TEK: variants seen among roughly 807,000 people sequenced by gnomAD.
TEK encodes the protein TEK receptor tyrosine kinase.
A neutral mutation model predicts 131.8 loss-of-function variants in TEK; 43 were observed. That is an observed-to-expected ratio of 0.33 (90% CI 0.26 to 0.42). TEK has a LOEUF of 0.42. TEK is among the 10% of genes least tolerant of loss of function. The pLI is 1.00. For missense variants in TEK, 1,162 were observed against 1,384.4 expected (o/e 0.84, Z 2.55); for synonymous variants, 580 against 491.6 (o/e 1.18, Z -2.38).
intron 1 of TEK, among the ~76,000 whole-genome samples, chr9:27,137,885 G>A (rs1822546603): frequency 6.6e-6 from 1 of 152,158 alleles, no homozygotes; most frequent in African/African-American, 2.4e-5. Flanking sequence ...TGGTCTCACT[G>A]TGGACCCTTG....
At chr9:27,135,537 C>T (rs998114693) in intron 1 of TEK, among the ~76,000 whole-genome samples, 1 of 152,176 alleles carries the variant, frequency 6.6e-6, no homozygotes. Flanking sequence ...TTGCCACATA[C>T]TGTTAATACA....
intron 3 of TEK, 133 bp downstream of exon 3, chr9:27,168,738 A>C (rs1376679792): frequency 1.1e-5 from 8 of 736,250 alleles, no homozygotes; most frequent in Admixed American, 1.0e-4. Context: ...CAAGCTTTCA[A>C]ATTCTGTGTA....
At chr9:27,139,730 T>A (rs917126369) in intron 1 of TEK, among the ~76,000 whole-genome samples, 2 of 152,100 alleles carry the variant, frequency 1.3e-5, no homozygotes, top group African/African-American at 4.8e-5. Context: ...TGTTGTGGTT[T>A]GAGAGTATTG....
At chr9:27,172,473 T>A in intron 4 of TEK, 143 bp from the exon 5 acceptor site, 1 of 1,172,040 alleles carries the variant, frequency 8.5e-7, no homozygotes, top group Non-Finnish European at 1.2e-6. Flanking sequence ...CCATATTAGA[T>A]GATGAGCTTT....
intron 11 of TEK, 21 bp from the exon 12 acceptor site, chr9:27,197,291 AATG>A: frequency 6.2e-7 from 1 of 1,611,202 alleles, no homozygotes; most frequent in Non-Finnish European, 8.5e-7. Flanking sequence ...ATATAAAAAT[AATG>A]ATTTTTCTGG....
At position 27,229,577 on chromosome 9, in the gene TEK, C is replaced by A. The variant is rs1826481821; in HGVS notation, c.*345C>A. 6.6e-6 allele frequency: 2 copies of A among 305,036 alleles called. No homozygotes were observed. Among genetic ancestry groups the A allele is most frequent in the Non-Finnish European group, 1.3e-5 (2 of 159,992 alleles). 18.9% of individuals were successfully genotyped at this position (305,036 alleles called of 1,614,324 possible). On this transcript the variant is annotated 3_prime_UTR_variant, in exon 23 of 23. Coordinates refer to ENST00000380036, the MANE Select transcript of TEK (RefSeq NM_000459.5). Reference sequence around the variant, plus strand: ...GTTGTCCTAGATATTTTGATATTTACCTTTATGTTGAATGCTATTAAATGT... The same window carrying A: ...GTTGTCCTAGATATTTTGATATTTAACTTTATGTTGAATGCTATTAAATGT...
chr9:27,187,758 T>C, intron 9 of TEK, among the ~76,000 whole-genome samples: 1 of 152,142 alleles, frequency 6.6e-6, no homozygotes, highest in East Asian at 1.9e-4. Context: ...GGCTTGTAGA[T>C]GGCCACTGTC....
intron 1 of TEK, among the ~76,000 whole-genome samples, chr9:27,146,792 T>A (rs989500539): frequency 6.9e-6 from 1 of 145,582 alleles, no homozygotes; most frequent in Non-Finnish European, 1.5e-5. Flanking sequence ...TGCAGTGGCG[T>A]GACCTCGGCT....
At chr9:27,217,950 G>T (rs185315877) in intron 19 of TEK, among the ~76,000 whole-genome samples, 192 bp downstream of exon 19, 3 of 152,060 alleles carry the variant, frequency 2.0e-5, no homozygotes, top group African/African-American at 7.3e-5. Flanking sequence ...AATCACTTGT[G>T]GCAGGTTTTG....
At chr9:27,228,629 C>A (rs1826432864) in intron 22 of TEK, among the ~76,000 whole-genome samples, 1 of 152,040 alleles carries the variant, frequency 6.6e-6, no homozygotes, top group Non-Finnish European at 1.5e-5. Flanking sequence ...GGTGACTTGA[C>A]CAAGGACACA....
chr9:27,171,017 C>T (rs370697620), intron 4 of TEK, among the ~76,000 whole-genome samples: 1 of 152,198 alleles, frequency 6.6e-6, no homozygotes, highest in South Asian at 2.1e-4. Context: ...TCTGCTTAAA[C>T]ATTGCCTCCT....
intron 16 of TEK, 25 bp downstream of exon 16, chr9:27,209,256 C>A: frequency 6.6e-7 from 1 of 1,510,494 alleles, no homozygotes; most frequent in Non-Finnish European, 9.2e-7. Context: ...TCCTGTCTTT[C>A]CTGCCAGAGT....
chr9:27,200,931 G>A (rs7040866), intron 12 of TEK, among the ~76,000 whole-genome samples: 41,825 of 151,850 alleles, frequency 0.28, 5,941 homozygotes, highest in Admixed American at 0.35. Context: ...GTACGGCATG[G>A]GGATTAGGAT....
intron 16 of TEK, among the ~76,000 whole-genome samples, chr9:27,212,222 G>A (rs899127503): frequency 6.6e-6 from 1 of 152,160 alleles, no homozygotes; most frequent in Non-Finnish European, 1.5e-5. Flanking sequence ...ACAATTACCT[G>A]TTGTGGCTCC....
chr9:27,192,547 T>C lies in TEK; in HGVS notation c.1548T>C (p.Cys516=), dbSNP rs750915446. ...AACCTCGGACAGAATATGAACTCTG[T>C]GTGCAACTGGTCCGTCGTGGAGAGG... ...YLEPRTEYEL[C]VQLVRRGEGG... is the part of the protein sequence containing the mutation. The change falls in exon 11 of 23, where the codon TGT becomes TGC. Residue 516 remains cysteine, a synonymous_variant. Transcript: ENST00000380036. The C allele has an allele frequency of 1.4e-5, 22 of 1,613,898 alleles. No individual in the cohort carries two copies. The highest frequency in any genetic ancestry group is 1.8e-5 in the Non-Finnish European group (21 of 1,179,962).
chr9:27,213,312 G>A (rs1197539766), intron 17 of TEK, among the ~76,000 whole-genome samples, 172 bp from the exon 18 acceptor site: 3 of 152,128 alleles, frequency 2.0e-5, no homozygotes, highest in African/African-American at 4.8e-5. Flanking sequence ...GATGTGGTGT[G>A]TCATTTGGCA....
intron 1 of TEK, among the ~76,000 whole-genome samples, chr9:27,137,556 G>C (rs1351201201): frequency 6.6e-6 from 1 of 151,942 alleles, no homozygotes; most frequent in Non-Finnish European, 1.5e-5. Context: ...GATAAGTTAG[G>C]CTTTTTACTT....
intron 1 of TEK, among the ~76,000 whole-genome samples, chr9:27,156,487 C>G (rs1403320488): frequency 6.6e-6 from 1 of 151,646 alleles, no homozygotes; most frequent in East Asian, 2.0e-4. Flanking sequence ...AGCTGAGACC[C>G]AAAGGACAAG....
At chr9:27,122,789 C>T (rs767983578) in intron 1 of TEK, among the ~76,000 whole-genome samples, 17 of 151,998 alleles carry the variant, frequency 1.1e-4, no homozygotes, top group Non-Finnish European at 2.2e-4. Context: ...CACAGTGGCT[C>T]ACGCCTGTAA....
Sources: gnomAD v4.1 joint callset for allele counts (sites outside exome capture counted in the v4.1 genomes callset) on GRCh38, gnomAD v4.1.1 for gene constraint, MANE v1.5 for transcripts, NCBI Gene and HGNC (gene_info 2026-07-23, HGNC 2026-07-21) for gene names.